Variants in DDX10 observed in about 807,000 individuals in gnomAD.
DDX10 encodes probable ATP-dependent RNA helicase DDX10.
In DDX10, 74 loss-of-function variants were observed where a neutral mutation model predicts 104.3. The ratio of observed to expected loss-of-function variants is 0.71; its 90% CI spans 0.59 to 0.86. The LOEUF is 0.86. DDX10 is among the 40% of genes least tolerant of loss of function. The pLI is 0.00. For synonymous variants in DDX10, 351 were observed against 353.4 expected (o/e 0.99, Z 0.08); for missense variants, 952 against 1,040.0 (o/e 0.92, Z 1.16).
At chr11:108,778,813 T>C (rs1032019907) in intron 13 of DDX10, among the ~76,000 whole-genome samples, 1 of 152,066 alleles carries the variant, frequency 6.6e-6, no homozygotes, top group African/African-American at 2.4e-5. Context: ...AGGGCTAATA[T>C]CCAGAATCTA....
chr11:108,873,600 T>C (rs1254183281), intron 16 of DDX10, among the ~76,000 whole-genome samples: 5 of 152,180 alleles, frequency 3.3e-5, no homozygotes, highest in Admixed American at 2.6e-4. Flanking sequence ...ACAAATTCTT[T>C]TGTGGTTTGC....
intron 17 of DDX10, among the ~76,000 whole-genome samples, chr11:108,926,091 T>G (rs1347793859): frequency 6.6e-6 from 1 of 152,180 alleles, no homozygotes; most frequent in Non-Finnish European, 1.5e-5. Flanking sequence ...ACATGCAGAT[T>G]AGCTGTGAGA....
At chr11:108,731,390 T>TA (rs2094312074) in intron 13 of DDX10, among the ~76,000 whole-genome samples, 1 of 152,138 alleles carries the variant, frequency 6.6e-6, no homozygotes, top group African/African-American at 2.4e-5. Context: ...CTTCACCTGT[T>TA]ACCTACTTTC....
intron 16 of DDX10, among the ~76,000 whole-genome samples, chr11:108,896,665 C>T (rs995736721): frequency 6.6e-6 from 1 of 152,110 alleles, no homozygotes. Context: ...GTAACTGATA[C>T]ATATTTAGAG....
chr11:108,757,253 G>A (rs536438759), intron 13 of DDX10, among the ~76,000 whole-genome samples: 121 of 151,970 alleles, frequency 8.0e-4, no homozygotes, highest in Non-Finnish European at 1.4e-3. Flanking sequence ...CAAGATTCAC[G>A]TTGCATTTCA....
chr11:108,749,910 A>G (rs1454654266), intron 13 of DDX10, among the ~76,000 whole-genome samples: 1 of 152,150 alleles, frequency 6.6e-6, no homozygotes, highest in Non-Finnish European at 1.5e-5. Flanking sequence ...TTCTAGTATG[A>G]TGAGCAATAC....
chr11:108,775,560 C>T (rs182628089), intron 13 of DDX10, among the ~76,000 whole-genome samples: 1 of 152,228 alleles, frequency 6.6e-6, no homozygotes, highest in East Asian at 1.9e-4. Context: ...CTGGTTAGCT[C>T]AGGTAGCATG....
intron 15 of DDX10, among the ~76,000 whole-genome samples, chr11:108,850,667 G>A (rs941716085): frequency 1.3e-5 from 2 of 152,144 alleles, no homozygotes; most frequent in African/African-American, 4.8e-5. Context: ...TTATAATGAT[G>A]AAAGAATTGG....
At chr11:108,683,989 T>C (rs1467322265) in intron 6 of DDX10, among the ~76,000 whole-genome samples, 2 of 152,032 alleles carry the variant, frequency 1.3e-5, no homozygotes, top group Non-Finnish European at 2.9e-5. Context: ...CTTGAATCAA[T>C]AGAAATTTTT....
intron 13 of DDX10, among the ~76,000 whole-genome samples, chr11:108,807,282 A>G (rs1198468091): frequency 6.6e-6 from 1 of 152,174 alleles, no homozygotes; most frequent in African/African-American, 2.4e-5. Context: ...GGCAAACCTC[A>G]TGAAGAGTTT....
intron 13 of DDX10, among the ~76,000 whole-genome samples, chr11:108,759,337 T>A (rs1349579908): frequency 2.0e-5 from 3 of 152,058 alleles, no homozygotes; most frequent in African/African-American, 7.2e-5. Context: ...TAGCATTTGT[T>A]TATGGGATGG....
chr11:108,814,752 A>C (rs1565287170), intron 13 of DDX10, among the ~76,000 whole-genome samples: 4 of 152,246 alleles, frequency 2.6e-5, no homozygotes, highest in Admixed American at 1.3e-4. Flanking sequence ...ATTAGGGGGA[A>C]GATTATAATA....
chr11:108,783,823 C>T (rs531628683), intron 13 of DDX10, among the ~76,000 whole-genome samples: 2 of 152,254 alleles, frequency 1.3e-5, no homozygotes, highest in South Asian at 2.1e-4. Context: ...TCCTCTCTCC[C>T]GCATTTAGTA....
At chr11:108,689,510 T>C (rs1185569381) in intron 7 of DDX10, among the ~76,000 whole-genome samples, 2 of 152,234 alleles carry the variant, frequency 1.3e-5, no homozygotes, top group East Asian at 1.9e-4. Flanking sequence ...TAAGTTCAAA[T>C]GTTATGCCTG....
intron 17 of DDX10, among the ~76,000 whole-genome samples, chr11:108,939,493 A>G (rs1423614105): frequency 6.6e-6 from 1 of 152,136 alleles, no homozygotes; most frequent in Non-Finnish European, 1.5e-5. Flanking sequence ...TAATAGATGG[A>G]CTTTTTATTT....
At chr11:108,691,199 C>T (rs1231260709) in intron 7 of DDX10, among the ~76,000 whole-genome samples, 2 of 152,186 alleles carry the variant, frequency 1.3e-5, no homozygotes, top group African/African-American at 2.4e-5. Context: ...AATTGAGCGA[C>T]TGGATCACCA....
intron 13 of DDX10, among the ~76,000 whole-genome samples, chr11:108,800,600 T>C (rs756036492): frequency 1.9e-4 from 29 of 152,292 alleles, no homozygotes; most frequent in Non-Finnish European, 4.1e-4. Flanking sequence ...CCTATTGGTA[T>C]GAACTTTTGG....
intron 15 of DDX10, among the ~76,000 whole-genome samples, chr11:108,848,506 A>G (rs572540329): frequency 6.6e-6 from 1 of 152,188 alleles, no homozygotes; most frequent in Non-Finnish European, 1.5e-5. Context: ...TACTGTCACA[A>G]CCAGGTTTAT....
intron 7 of DDX10, among the ~76,000 whole-genome samples, chr11:108,689,849 T>G (rs1182847482): frequency 6.6e-6 from 1 of 152,182 alleles, no homozygotes; most frequent in Admixed American, 6.5e-5. Context: ...TGTAGATGGG[T>G]TTCTCTCTAG....
Sources: gnomAD v4.1 joint callset for allele counts (sites outside exome capture counted in the v4.1 genomes callset) on GRCh38, gnomAD v4.1.1 for gene constraint, MANE v1.5 for transcripts, NCBI Gene and HGNC (gene_info 2026-07-23, HGNC 2026-07-21) for gene names.